SETD5: variants seen among roughly 807,000 people sequenced by gnomAD.
The protein encoded by SETD5 is histone-lysine N-methyltransferase SETD5.
Under a neutral mutation model 153.3 loss-of-function variants are expected in SETD5, and 44 were observed. The observed-to-expected ratio is 0.29, with a 90% confidence interval of 0.23 to 0.37. The LOEUF (loss-of-function observed/expected upper bound fraction) is 0.37. SETD5 is among the 10% of genes least tolerant of loss of function. The pLI, the probability that SETD5 is intolerant of heterozygous loss-of-function variation, is 1.00. For synonymous variants in SETD5, 716 were observed against 645.2 expected, an observed-to-expected ratio of 1.11 and a Z score of -1.66; for missense variants, 1,544 against 1,768.0, an observed-to-expected ratio of 0.87 and a Z score of 2.27.
rs1342992827 is a variant in SETD5, at chr3:9,470,923, G to A, written c.3189G>A (p.Arg1063=). The A allele has an allele frequency of 5.2e-6, 8 of 1,546,012 alleles. No individual in the cohort carries two copies. Among genetic ancestry groups the A allele is most frequent in the South Asian group, 4.8e-5 (4 of 83,586 alleles). The stretch of plus-strand genomic sequence containing the variant: ...CTGCCCCCCAGAACCCACCACAGAG[G>A]AAAAAAGTAAGTGTTTCATGTTATA... ...VPSAPQNPPQ[R]KKVSLLEYRK... The change falls in exon 19 of 23, where the codon AGG becomes AGA. Residue 1063 remains arginine, a synonymous_variant. Coordinates refer to ENST00000402198, the MANE Select transcript of SETD5 (RefSeq NM_001080517.3).
chr3:9,404,027 A>G (rs2035260362), intron 1 of SETD5, among the ~76,000 whole-genome samples: 1 of 152,212 alleles, frequency 6.6e-6, no homozygotes, highest in Non-Finnish European at 1.5e-5. Flanking sequence ...GTTTTTCAAA[A>G]TGCTTAATAT....
intron 3 of SETD5, chr3:9,431,719 AAG>A: frequency 4.1e-6 from 4 of 985,836 alleles, no homozygotes; most frequent in Non-Finnish European, 4.8e-6. Context: ...CTTGCACATG[AAG>A]TGCATATGTT....
At chr3:9,430,239 C>T in intron 3 of SETD5, 3 of 984,854 alleles carry the variant, frequency 3.0e-6, no homozygotes, top group Non-Finnish European at 3.6e-6. Flanking sequence ...ATAAAGCCAC[C>T]TAATATAACT....
Position 9,434,898 on chromosome 3 carries a change from G to A in SETD5, c.388+16G>A, listed in dbSNP as rs912506605. 2 of 1,611,062 alleles carry A rather than the reference G, an allele frequency of 1.2e-6. No homozygotes were observed. Among genetic ancestry groups the A allele is most frequent in the South Asian group, 1.1e-5 (1 of 90,384 alleles). On this transcript the variant is annotated intron_variant, in intron 6 of 22. Transcript: ENST00000402198. The surrounding 1 kb of genome is among the most constrained non-coding windows in gnomAD (Gnocchi z 5.6). ...AACATATCAGGTGAGCGGAAGATGG[G>A]TTAGGTCCACAATTTGACATAAAAA...
Position 9,433,923 on chromosome 3 carries a change from G to T in SETD5, c.150G>T (p.Arg50Ser). 6.2e-7 allele frequency: 1 copy of T among 1,613,934 alleles called. No homozygotes were observed. The highest frequency in any genetic ancestry group is 8.5e-7 in the Non-Finnish European group (1 of 1,179,862). ...CTCATAATTATGGGACCACTCAGAG[G>T]CATGGGTGTCGAGGACTGCCTTATG... ...YSTHNYGTTQ[R>S]HGCRGLPYAT... The change falls in exon 4 of 23, where the codon AGG becomes AGT. Residue 50 changes from arginine to serine, a missense_variant. Around this residue, in one of 9 missense-constraint regions of SETD5, gnomAD observed 251 missense variants for 326.9 expected, o/e 0.77. Transcript: ENST00000402198.
Position 9,414,399 on chromosome 3 carries a change from T to G in SETD5, c.-176-10068T>G, listed in dbSNP as rs537057204. Among the ~76,000 whole-genome samples, 15 of 149,096 alleles carry G rather than the reference T, an allele frequency of 1.0e-4. No homozygotes were observed. The South Asian group carries it at 2.1e-3, about 21-fold the overall frequency. On this transcript the variant is annotated intron_variant, in intron 1 of 22. Coordinates refer to ENST00000402198, the MANE Select transcript of SETD5 (RefSeq NM_001080517.3). ...TTTTTTGGGGAGTGTGTGTGTGTGT[T>G]GTTGTTGTTAAGAATTCGGGGATGA...
chr3:9,451,146 A>G (rs1395221487), intron 16 of SETD5, among the ~76,000 whole-genome samples: 3 of 152,214 alleles, frequency 2.0e-5, no homozygotes, highest in Non-Finnish European at 2.9e-5. Flanking sequence ...TAGAAAAACC[A>G]GTCTGACTGA....
Position 9,476,137 on chromosome 3 carries a change from T to TTCCTTCCAGCTGCC in SETD5, c.*49_*62dup, listed in dbSNP as rs1264897533. 1 of 1,575,194 alleles carries TTCCTTCCAGCTGCC rather than the reference T, an allele frequency of 6.3e-7. No individual in the cohort carries two copies. Among genetic ancestry groups the TTCCTTCCAGCTGCC allele is most frequent in the Non-Finnish European group, 8.6e-7 (1 of 1,158,446 alleles). Reference sequence around the variant, plus strand: ...CAGAACTGAATGAGCCCATAGCTGCTTCCTTCCAGCTGCCTCTGGAACCTA... The same window carrying TTCCTTCCAGCTGCC: ...CAGAACTGAATGAGCCCATAGCTGCTTCCTTCCAGCTGCCTCCTTCCAGCTGCCTCTGGAACCTA... On this transcript the variant is annotated 3_prime_UTR_variant, in exon 23 of 23. Transcript: ENST00000402198.
intron 3 of SETD5, chr3:9,432,428 A>G (rs967233289): frequency 5.7e-5 from 18 of 317,904 alleles, no homozygotes; most frequent in Middle Eastern, 3.2e-3. Flanking sequence ...TATATATTGT[A>G]TATCTTTAAG....
At chr3:9,398,164 T>C (rs2034010019) in intron 1 of SETD5, 187 bp downstream of exon 1, 1 of 149,762 alleles carries the variant, frequency 6.7e-6, no homozygotes, top group South Asian at 2.1e-4. Context: ...AACACCCCAT[T>C]TTCCCAGGGA....
At chr3:9,438,192 G>A (rs1403875477) in intron 7 of SETD5, among the ~76,000 whole-genome samples, 1 of 152,160 alleles carries the variant, frequency 6.6e-6, no homozygotes, top group East Asian at 1.9e-4. Context: ...GAGCTACAGA[G>A]CATCAGAGGC....
intron 7 of SETD5, among the ~76,000 whole-genome samples, chr3:9,437,137 A>G (rs939389796): frequency 6.6e-6 from 1 of 152,098 alleles, no homozygotes; most frequent in African/African-American, 2.4e-5. Flanking sequence ...CCTAGGGGGT[A>G]AGTGACATTT....
chr3:9,444,092 C>T (rs988826202), intron 11 of SETD5, among the ~76,000 whole-genome samples: 1 of 152,104 alleles, frequency 6.6e-6, no homozygotes, highest in Admixed American at 6.6e-5. Flanking sequence ...AATATGTTAC[C>T]TCTACTTTTA....
In SETD5 at chr3:9,464,605, G is replaced by A. The variant is rs747813688; in HGVS notation, c.2657G>A (p.Ser886Asn). Residue 886 changes from serine (S) to asparagine (N), a missense_variant, in exon 18 of 23, where the codon AGC (serine) becomes AAC (asparagine). This residue lies in a region of SETD5 where 782 missense variants were observed against 787.2 expected (regional missense o/e 0.99). Coordinates refer to ENST00000402198, the MANE Select transcript of SETD5 (RefSeq NM_001080517.3). ...PGEEECRNGY[S>N]LMFSPVTSLT... ...GAAGAGGAGTGTCGAAATGGATACA[G>A]CCTCATGTTTTCACCAGTCACATCT... The A allele has an allele frequency of 1.2e-6, 2 of 1,613,974 alleles. No homozygotes were observed. The highest frequency in any genetic ancestry group is 1.7e-6 in the Non-Finnish European group (2 of 1,179,898).
intron 3 of SETD5, chr3:9,430,079 C>G (rs1413399258): frequency 1.9e-6 from 2 of 1,054,858 alleles, no homozygotes; most frequent in Non-Finnish European, 2.3e-6. Flanking sequence ...TCCCCTGTTT[C>G]TCTTGCCATT....
intron 13 of SETD5, among the ~76,000 whole-genome samples, chr3:9,445,979 T>C (rs1391518373): frequency 6.8e-6 from 1 of 147,454 alleles, no homozygotes; most frequent in Non-Finnish European, 1.5e-5. Flanking sequence ...TTTTTTTTTT[T>C]TTTTTTTTTA....
Position 9,442,197 on chromosome 3 carries a change from C to T in SETD5, c.1029C>T (p.Phe343=), listed in dbSNP as rs995588965. 3.7e-6 allele frequency: 6 copies of T among 1,609,996 alleles called. No individual in the cohort carries two copies. Among genetic ancestry groups the T allele is most frequent in the East Asian group, 2.2e-5 (1 of 44,736 alleles). Residue 343 remains phenylalanine, a synonymous_variant, in exon 10 of 23, where the codon TTC becomes TTT. Coordinates refer to ENST00000402198, the MANE Select transcript of SETD5 (RefSeq NM_001080517.3). ...GVEMCVDART[F]GNDARFIRRS... is the part of the protein sequence containing the mutation. ...AGATGTGTGTGGATGCCCGTACTTT[C>T]GGTAATGATGCTCGGTTCATCAGAA...
At chr3:9,441,848 A>T (rs1216367869) in intron 9 of SETD5, 107 bp downstream of exon 9, 6 of 1,383,532 alleles carry the variant, frequency 4.3e-6, no homozygotes, top group Non-Finnish European at 6.1e-6. Flanking sequence ...GAAAAAAATC[A>T]CAACTCAGAT....
intron 10 of SETD5, 34 bp downstream of exon 10, chr3:9,442,279 A>G: frequency 7.0e-7 from 1 of 1,421,830 alleles, no homozygotes. Context: ...CTTTGACTGG[A>G]ACCATCAAAT....
Sources: gnomAD v4.1 joint callset for allele counts (sites outside exome capture counted in the v4.1 genomes callset) on GRCh38, gnomAD v4.1.1 for gene constraint, gnomAD v4.1.1 regional missense constraint, Gnocchi (gnomAD v3.1) non-coding constraint, MANE v1.5 for transcripts, NCBI Gene and HGNC (gene_info 2026-07-23, HGNC 2026-07-21) for gene names.